Variants in QRICH1 observed in about 807,000 individuals in gnomAD.
QRICH1 encodes transcriptional regulator QRICH1.
In QRICH1, 16 loss-of-function variants were observed where a neutral mutation model predicts 87.1. That is an observed-to-expected ratio of 0.18 (90% CI 0.12 to 0.28). The LOEUF is 0.28. Ranked by LOEUF, QRICH1 falls within the 10% of genes least tolerant of loss-of-function variation. QRICH1 has a pLI of 1.00. For missense variants in QRICH1, 647 were observed against 951.7 expected (o/e 0.68, Z 4.21); for synonymous variants, 367 against 368.4 (o/e 1.00, Z 0.05).
intron 2 of QRICH1, among the ~76,000 whole-genome samples, chr3:49,067,168 G>A (rs934310581): frequency 2.2e-4 from 33 of 152,166 alleles, no homozygotes; most frequent in Admixed American, 2.0e-3. Context: ...CCTCCTAAGT[G>A]GTGGCACCTG....
intron 2 of QRICH1, among the ~76,000 whole-genome samples, chr3:49,065,228 T>C (rs2093460899): frequency 6.6e-6 from 1 of 151,756 alleles, no homozygotes; most frequent in Non-Finnish European, 1.5e-5. Flanking sequence ...CAATGCAACC[T>C]TTGCCTCCTG....
chr3:49,048,489 A>C (rs75858972), intron 3 of QRICH1, among the ~76,000 whole-genome samples: 10 of 149,598 alleles, frequency 6.7e-5, no homozygotes, highest in Non-Finnish European at 7.4e-5. Context: ...AAAAAAAAAA[A>C]AAAAAAAAAC....
chr3:49,070,590 T>C (rs1170065337), intron 2 of QRICH1, among the ~76,000 whole-genome samples: 1 of 151,898 alleles, frequency 6.6e-6, no homozygotes, highest in Non-Finnish European at 1.5e-5. Context: ...CACACCACCA[T>C]GCCAAACTAA....
At chr3:49,050,422 C>CAAAA (rs552220438) in intron 3 of QRICH1, among the ~76,000 whole-genome samples, 72 of 58,600 alleles carry the variant, frequency 1.2e-3, no homozygotes, top group African/African-American at 1.6e-3. Context: ...GACTCTGTCT[C>CAAAA]AAAAAAAAAA....
In QRICH1 at chr3:49,052,294, C is replaced by A. The variant is rs114908309; in HGVS notation, c.1338+4568G>T. On this transcript the variant is annotated intron_variant, in intron 3 of 9. Transcript: ENST00000395443. ...CGGAGAGCAGCACTACTTTCTGAGA[C>A]AAGGAAGTTTGACAGTTTTAGAAAT... 2.6e-3 allele frequency among the ~76,000 whole-genome samples: 395 copies of A among 152,188 alleles called. 1 individual carries two copies. The highest frequency in any genetic ancestry group is 9.1e-3 in the African/African-American group (377 of 41,512).
At chr3:49,059,953 C>T (rs1310870553) in intron 2 of QRICH1, among the ~76,000 whole-genome samples, 5 of 150,754 alleles carry the variant, frequency 3.3e-5, no homozygotes, top group Admixed American at 1.3e-4. Context: ...GGTGCGATCT[C>T]GGCTCACTAC....
intron 2 of QRICH1, among the ~76,000 whole-genome samples, chr3:49,074,104 A>C (rs976601112): frequency 6.6e-6 from 1 of 152,150 alleles, no homozygotes. Flanking sequence ...AGAAACAACA[A>C]ACACAGACCC....
In QRICH1 at chr3:49,080,028, C is replaced by CAA. The variant is rs11443291; in HGVS notation, c.-21-2992_-21-2991dup. Among the ~76,000 whole-genome samples, 594 of 136,356 alleles carry CAA rather than the reference C, an allele frequency of 4.4e-3. 7 individuals are homozygous for CAA. Among genetic ancestry groups the CAA allele is most frequent in the South Asian group, 0.034 (145 of 4,314 alleles). The allele number at this position is 136,356 out of a possible 152,430, so 89.5% of individuals were successfully genotyped here. On this transcript the variant is annotated intron_variant, in intron 1 of 9. Transcript: ENST00000395443. ...TGGGCGCCAGACTGAGACTCTATCT[C>CAA]AAAAAAAAAAAAAAAGGCATCTTTC...
At chr3:49,082,205 A>C (rs1311188216) in intron 1 of QRICH1, among the ~76,000 whole-genome samples, 3 of 152,098 alleles carry the variant, frequency 2.0e-5, no homozygotes, top group African/African-American at 7.2e-5. Flanking sequence ...CCAAAGTGCT[A>C]GGATTACAGG....
intron 4 of QRICH1, 125 bp downstream of exon 4, chr3:49,046,944 A>T: frequency 9.0e-7 from 1 of 1,107,886 alleles, no homozygotes; most frequent in Non-Finnish European, 1.3e-6. Flanking sequence ...AATTCAACAT[A>T]CTATTACAGA....
chr3:49,033,718 G>A (rs996477744), intron 6 of QRICH1: 2 of 152,322 alleles, frequency 1.3e-5, no homozygotes, highest in African/African-American at 4.8e-5. Context: ...GCCAGGCGCA[G>A]TGGCTGATGC....
At chr3:49,048,418 A>G (rs1289894324) in intron 3 of QRICH1, among the ~76,000 whole-genome samples, 1 of 150,310 alleles carries the variant, frequency 6.7e-6, no homozygotes, top group Non-Finnish European at 1.5e-5. Flanking sequence ...GGCTTGGGCC[A>G]TCGGCCGAGA....
intron 2 of QRICH1, among the ~76,000 whole-genome samples, chr3:49,073,540 GA>G (rs201387573): frequency 0.014 from 1,817 of 126,706 alleles, 33 homozygotes; most frequent in African/African-American, 0.047. Context: ...ACTCCATCTC[GA>G]AAAAAAAAAA....
intron 9 of QRICH1, among the ~76,000 whole-genome samples, chr3:49,031,019 G>A (rs1203421079): frequency 4.2e-5 from 6 of 143,508 alleles, no homozygotes; most frequent in African/African-American, 1.0e-4. Context: ...TTGAGATGGC[G>A]TCTTGTCTCC....
chr3:49,078,392 T>TTA (rs1243272518), intron 1 of QRICH1, among the ~76,000 whole-genome samples: 1 of 127,982 alleles, frequency 7.8e-6, no homozygotes, highest in African/African-American at 2.9e-5. Context: ...GTTCCTTTTT[T>TTA]TTTTTTTTTT....
intron 1 of QRICH1, among the ~76,000 whole-genome samples, chr3:49,078,189 T>C (rs1409505602): frequency 6.6e-6 from 1 of 152,132 alleles, no homozygotes; most frequent in Non-Finnish European, 1.5e-5. Flanking sequence ...ATAGATACAC[T>C]AGACTGACCA....
intron 6 of QRICH1, among the ~76,000 whole-genome samples, chr3:49,038,248 A>C (rs926134476): frequency 2.7e-5 from 4 of 150,712 alleles, no homozygotes; most frequent in Middle Eastern, 3.5e-3. Context: ...TTTTTAGTAG[A>C]GACAGGGCTT....
intron 8 of QRICH1, 152 bp from the exon 9 acceptor site, chr3:49,032,425 G>C (rs1366120669): frequency 2.4e-6 from 2 of 845,876 alleles, no homozygotes; most frequent in Admixed American, 2.7e-5. Flanking sequence ...ACTACTAAGG[G>C]AAGAGGCAGC....
At chr3:49,072,599 T>G (rs1045578931) in intron 2 of QRICH1, among the ~76,000 whole-genome samples, 1 of 152,100 alleles carries the variant, frequency 6.6e-6, no homozygotes, top group African/African-American at 2.4e-5. Flanking sequence ...AATGGTATTA[T>G]CCTTATTTAA....
Sources: allele counts gnomAD v4.1 joint callset (sites outside exome capture counted in the v4.1 genomes callset), GRCh38; gene constraint gnomAD v4.1.1; transcripts MANE v1.5; gene names NCBI Gene and HGNC (gene_info 2026-07-23, HGNC 2026-07-21).